The following TBC1D19 variants were observed in gnomAD, a reference collection of about 807,000 sequenced individuals.
TBC1D19 encodes the protein TBC1 domain family, member 19.
Under a neutral mutation model 89.0 loss-of-function variants are expected in TBC1D19, and 60 were observed. That is an observed-to-expected ratio of 0.67 (90% CI 0.55 to 0.84). The LOEUF is 0.84. Among genes scored for constraint, TBC1D19 ranks in the 40% least tolerant of loss-of-function variants. The pLI, the probability that TBC1D19 is intolerant of heterozygous loss-of-function variation, is 0.00. For synonymous variants in TBC1D19, 189 were observed against 199.7 expected, an observed-to-expected ratio of 0.95 and a Z score of 0.45; for missense variants, 500 against 610.8, an observed-to-expected ratio of 0.82 and a Z score of 1.91.
At chr4:26,712,007 G>A (rs1716226395) in intron 13 of TBC1D19, among the ~76,000 whole-genome samples, 1 of 151,956 alleles carries the variant, frequency 6.6e-6, no homozygotes, top group African/African-American at 2.4e-5. Context: ...GGGCAACAGG[G>A]ACTCTAGGGA....
At chr4:26,856,866 G>A in the TBC1D19 span, among the ~76,000 whole-genome samples, 12 of 152,106 alleles carry the variant, frequency 7.9e-5, no homozygotes, top group Non-Finnish European at 1.2e-4. Context: ...CACCCCACAC[G>A]CCCTCTGATT....
At chr4:26,606,307 G>A (rs760947465) in intron 1 of TBC1D19, among the ~76,000 whole-genome samples, 1 of 152,222 alleles carries the variant, frequency 6.6e-6, no homozygotes, top group Non-Finnish European at 1.5e-5. Context: ...AATGGCCAGG[G>A]TGGTAAGAAG....
intron 4 of TBC1D19, 54 bp from the exon 5 acceptor site, chr4:26,637,157 A>G: frequency 8.1e-7 from 1 of 1,239,316 alleles, no homozygotes. Context: ...TAATTTTTTT[A>G]TTAGTTTTAG....
At chr4:26,746,853 A>G (rs1393278197) in intron 18 of TBC1D19, among the ~76,000 whole-genome samples, 2 of 152,210 alleles carry the variant, frequency 1.3e-5, no homozygotes, top group East Asian at 1.9e-4. Context: ...GTTAAAAAAA[A>G]AAGGGTCACT....
intron 7 of TBC1D19, among the ~76,000 whole-genome samples, chr4:26,649,403 A>G (rs181762467): frequency 1.8e-4 from 28 of 152,162 alleles, no homozygotes; most frequent in African/African-American, 4.3e-4. Context: ...GCCATTTAAA[A>G]TATACAACTC....
intron 7 of TBC1D19, among the ~76,000 whole-genome samples, chr4:26,649,982 G>A (rs894781814): frequency 3.3e-5 from 5 of 151,918 alleles, no homozygotes; most frequent in Admixed American, 6.6e-5. Context: ...TTGTCCTTGC[G>A]ATAGTTTGCT....
chr4:26,838,324 A>T, the TBC1D19 span, among the ~76,000 whole-genome samples: 2 of 152,254 alleles, frequency 1.3e-5, no homozygotes. Flanking sequence ...AGCTTACTGT[A>T]GAGGCTGAAA....
chr4:26,682,449 A>C (rs1364699745), intron 11 of TBC1D19, among the ~76,000 whole-genome samples: 1 of 152,206 alleles, frequency 6.6e-6, no homozygotes, highest in Non-Finnish European at 1.5e-5. Flanking sequence ...CAATGAAGAA[A>C]TCATATTTCA....
chr4:26,644,313 A>C (rs1743762978), intron 7 of TBC1D19, among the ~76,000 whole-genome samples: 1 of 152,190 alleles, frequency 6.6e-6, no homozygotes, highest in South Asian at 2.1e-4. Flanking sequence ...ACAGAACCAA[A>C]GACAAAAATC....
chr4:26,842,349 T>C, the TBC1D19 span, among the ~76,000 whole-genome samples: 1 of 139,026 alleles, frequency 7.2e-6, no homozygotes, highest in African/African-American at 2.6e-5. Flanking sequence ...TCTTTTTTTT[T>C]TTTTTTTTTT....
chr4:26,653,700 G>A (rs1288476729), intron 7 of TBC1D19, among the ~76,000 whole-genome samples: 2 of 152,038 alleles, frequency 1.3e-5, no homozygotes, highest in Non-Finnish European at 2.9e-5. Context: ...TGCAACCCCT[G>A]CCTTTTTTTG....
At chr4:26,641,264 T>C (rs1192615029) in intron 7 of TBC1D19, among the ~76,000 whole-genome samples, 3 of 152,234 alleles carry the variant, frequency 2.0e-5, no homozygotes, top group African/African-American at 7.2e-5. Context: ...CAGCCTCCGC[T>C]GGTGAAACCC....
the TBC1D19 span, among the ~76,000 whole-genome samples, chr4:26,849,711 T>C: frequency 6.6e-6 from 1 of 152,192 alleles, no homozygotes; most frequent in African/African-American, 2.4e-5. Context: ...GAAAGAGCTT[T>C]CATTTCAAAT....
At chr4:26,782,521 G>T in the TBC1D19 span, among the ~76,000 whole-genome samples, 2 of 152,130 alleles carry the variant, frequency 1.3e-5, no homozygotes, top group African/African-American at 4.8e-5. Flanking sequence ...GTCAAAACTG[G>T]AATTAGACTC....
chr4:26,688,434 T>A (rs772345409), intron 13 of TBC1D19, 27 bp downstream of exon 13: 2 of 1,514,688 alleles, frequency 1.3e-6, no homozygotes, highest in Non-Finnish European at 1.8e-6. Flanking sequence ...AAATACATAG[T>A]GTTCTTGTTT....
the TBC1D19 span, among the ~76,000 whole-genome samples, chr4:26,805,811 C>T: frequency 6.6e-6 from 1 of 152,170 alleles, no homozygotes; most frequent in African/African-American, 2.4e-5. Flanking sequence ...GCCTGGCCAA[C>T]ATGGTGAAAC....
intron 15 of TBC1D19, among the ~76,000 whole-genome samples, chr4:26,732,070 G>T (rs1307737137): frequency 6.6e-6 from 1 of 151,892 alleles, no homozygotes. Context: ...TTATTATTAT[G>T]TGTAAGAATA....
At chr4:26,656,022 C>A (rs1198212405) in intron 7 of TBC1D19, among the ~76,000 whole-genome samples, 3 of 151,962 alleles carry the variant, frequency 2.0e-5, no homozygotes. Flanking sequence ...TCCACCCCCT[C>A]CACTAGATTC....
chr4:26,684,716 A>T (rs1713657056), intron 12 of TBC1D19, among the ~76,000 whole-genome samples: 1 of 152,218 alleles, frequency 6.6e-6, no homozygotes, highest in Non-Finnish European at 1.5e-5. Flanking sequence ...AAGGCATATT[A>T]TTATAGGTCT....
Sources: gnomAD v4.1 joint callset for allele counts (sites outside exome capture counted in the v4.1 genomes callset) on GRCh38, gnomAD v4.1.1 for gene constraint, MANE v1.5 for transcripts, NCBI Gene and HGNC (gene_info 2026-07-23, HGNC 2026-07-21) for gene names.